The following MLIP variants were observed in gnomAD, a reference collection of about 807,000 sequenced individuals.
The protein encoded by MLIP is muscular LMNA-interacting protein.
Under a neutral mutation model 84.8 loss-of-function variants are expected in MLIP, and 79 were observed. That is an observed-to-expected ratio of 0.93 (90% CI 0.78 to 1.12). The LOEUF (loss-of-function observed/expected upper bound fraction) is 1.12, where lower values mean the gene tolerates loss of function less well. Ranked by LOEUF, MLIP falls within the 50% of genes most tolerant of loss-of-function variation. The probability of loss-of-function intolerance (pLI) is 0.00; values close to 1 mark genes in which losing one functional copy is unlikely to be tolerated. For missense variants in MLIP, 1,257 were observed against 1,160.6 expected (o/e 1.08, Z -1.21); for synonymous variants, 504 against 463.0 (o/e 1.09, Z -1.14).
chr6:54,177,261 C>T (rs1279764910), intron 9 of MLIP, among the ~76,000 whole-genome samples: 1 of 151,894 alleles, frequency 6.6e-6, no homozygotes, highest in Non-Finnish European at 1.5e-5. Context: ...AACAGACAAC[C>T]TAGAGAATGG....
chr6:54,024,357 A>G (rs1182463784), intron 1 of MLIP, among the ~76,000 whole-genome samples: 1 of 152,272 alleles, frequency 6.6e-6, no homozygotes, highest in African/African-American at 2.4e-5. Context: ...AATAAAATTA[A>G]TTACTTTCTA....
chr6:54,097,484 T>C (rs1309183457), intron 1 of MLIP, among the ~76,000 whole-genome samples: 1 of 152,194 alleles, frequency 6.6e-6, no homozygotes, highest in Non-Finnish European at 1.5e-5. Flanking sequence ...CTTAAAATTA[T>C]TGTTATTTTA....
At chr6:54,051,735 A>G (rs1765384157) in intron 1 of MLIP, among the ~76,000 whole-genome samples, 1 of 152,118 alleles carries the variant, frequency 6.6e-6, no homozygotes, top group African/African-American at 2.4e-5. Flanking sequence ...AAATGAGGGA[A>G]CAGGAATGGA....
At chr6:54,131,730 G>A (rs1771399507) in intron 3 of MLIP, among the ~76,000 whole-genome samples, 1 of 152,172 alleles carries the variant, frequency 6.6e-6, no homozygotes, top group Non-Finnish European at 1.5e-5. Context: ...GGATATGTAT[G>A]TATATATTCG....
intron 1 of MLIP, among the ~76,000 whole-genome samples, chr6:54,032,627 C>T (rs1764204333): frequency 6.6e-6 from 1 of 152,152 alleles, no homozygotes. Context: ...AATTTTGGCC[C>T]ACTGCAACCC....
At chr6:54,063,695 T>TA (rs34601337) in intron 1 of MLIP, among the ~76,000 whole-genome samples, 50,276 of 150,920 alleles carry the variant, frequency 0.33, 10,187 homozygotes, top group African/African-American at 0.55. Context: ...TGGAGTGGGA[T>TA]GGGGTAGGCA....
At chr6:54,046,698 A>G (rs935857317) in intron 1 of MLIP, 1 of 152,318 alleles carries the variant, frequency 6.6e-6, no homozygotes, top group East Asian at 1.9e-4. Context: ...ATGATCACAG[A>G]AGAATAAACC....
At chr6:54,113,119 GA>G (rs756931235) in intron 1 of MLIP, among the ~76,000 whole-genome samples, 13 of 152,082 alleles carry the variant, frequency 8.5e-5, no homozygotes, top group Non-Finnish European at 1.9e-4. Context: ...TTATAATGAA[GA>G]CTTTCATATA....
Position 54,189,870 on chromosome 6 carries a change from G to C in MLIP, c.2545G>C (p.Ala849Pro). Reference protein sequence around the residue: ...PRAAGRETKYANLSSPSSTVS... With the variant: ...PRAAGRETKYPNLSSPSSTVS... ...TAAATGCCATGTTTATGTTTTGCAG[G>C]CAAATCTCTCCTCACCATCTTCTAC... is the stretch of plus-strand genomic sequence containing the variant. Residue 849 changes from alanine (A) to proline (P), a missense_variant and splice_region_variant, in exon 10 of 14, where the codon GCA (alanine) becomes CCA (proline). By Grantham distance (27) the Ala-to-Pro change is conservative. Coordinates refer to ENST00000502396, the MANE Select transcript of MLIP (RefSeq NM_001281747.2). 1 of 1,598,084 alleles carries C rather than the reference G, an allele frequency of 6.3e-7. No individual in the cohort carries two copies. The highest frequency in any genetic ancestry group is 8.6e-7 in the Non-Finnish European group (1 of 1,166,378).
chr6:54,149,451 G>T (rs551833292), intron 5 of MLIP, among the ~76,000 whole-genome samples: 1 of 152,052 alleles, frequency 6.6e-6, no homozygotes, highest in Non-Finnish European at 1.5e-5. Context: ...TCCATATCAA[G>T]AACTTTCATA....
At position 54,265,975 on chromosome 6, in the gene MLIP, AAC is replaced by A; in HGVS notation, c.*24_*25del. ...CAATGAAGTTGGAGCAGAGGCTGAA[AAC>A]ACAGGCTGCTGAAGTTTTTTGGAAT... On this transcript the variant is annotated 3_prime_UTR_variant, in exon 14 of 14. Transcript: ENST00000502396. The A allele has an allele frequency of 6.2e-7, 1 of 1,611,974 alleles. No individual in the cohort carries two copies. Among genetic ancestry groups the A allele is most frequent in the East Asian group, 2.2e-5 (1 of 44,770 alleles).
At chr6:54,251,399 C>T (rs1204739699) in intron 12 of MLIP, among the ~76,000 whole-genome samples, 1 of 133,682 alleles carries the variant, frequency 7.5e-6, no homozygotes, top group African/African-American at 3.2e-5. Flanking sequence ...AACACAAATA[C>T]TTTATTGGGC....
At chr6:54,055,319 A>T (rs1765602218) in intron 1 of MLIP, among the ~76,000 whole-genome samples, 1 of 152,220 alleles carries the variant, frequency 6.6e-6, no homozygotes, top group Non-Finnish European at 1.5e-5. Context: ...GTGTATATAT[A>T]TTGAAAATGA....
chr6:54,059,398 G>A (rs1765838406), intron 1 of MLIP, among the ~76,000 whole-genome samples: 1 of 152,176 alleles, frequency 6.6e-6, no homozygotes. Flanking sequence ...TGTGTGCCAT[G>A]CCATAATAAT....
intron 12 of MLIP, among the ~76,000 whole-genome samples, chr6:54,237,578 G>A (rs943874649): frequency 1.3e-5 from 2 of 151,736 alleles, no homozygotes; most frequent in African/African-American, 2.4e-5. Flanking sequence ...ACTTAAGGTG[G>A]CTCATGCCTG....
At chr6:54,090,905 C>T (rs1485619385) in intron 1 of MLIP, among the ~76,000 whole-genome samples, 1 of 152,092 alleles carries the variant, frequency 6.6e-6, no homozygotes, top group African/African-American at 2.4e-5. Context: ...ACTGTACAGA[C>T]CAAAATGTAT....
At chr6:54,128,308 A>T (rs543602060) in intron 3 of MLIP, among the ~76,000 whole-genome samples, 164 of 152,268 alleles carry the variant, frequency 1.1e-3, no homozygotes, top group Admixed American at 3.9e-3. Context: ...CATATAAATT[A>T]AAGTGATGGG....
At chr6:54,202,566 T>C (rs1778768571) in intron 11 of MLIP, among the ~76,000 whole-genome samples, 1 of 151,730 alleles carries the variant, frequency 6.6e-6, no homozygotes, top group African/African-American at 2.4e-5. Flanking sequence ...ACTGATTGGA[T>C]GGGTCATATA....
At chr6:54,241,313 T>C (rs377573678) in intron 12 of MLIP, among the ~76,000 whole-genome samples, 3 of 151,902 alleles carry the variant, frequency 2.0e-5, no homozygotes, top group African/African-American at 7.2e-5. Context: ...TGTATGTATA[T>C]ATACTATAAT....
Sources: gnomAD v4.1 joint callset for allele counts (sites outside exome capture counted in the v4.1 genomes callset) on GRCh38, gnomAD v4.1.1 for gene constraint, MANE v1.5 for transcripts, NCBI Gene and HGNC (gene_info 2026-07-23, HGNC 2026-07-21) for gene names.